The following DEGS1 variants were observed in gnomAD, a reference collection of about 807,000 sequenced individuals.
DEGS1 encodes the protein sphingolipid delta(4)-desaturase DES1.
DEGS1 carries 17 observed loss-of-function variants against 24.1 expected under a neutral mutation model. The observed-to-expected ratio is 0.70, with a 90% CI of 0.48 to 1.06. The LOEUF is 1.06. Ranked by LOEUF, DEGS1 falls within the 50% of genes least tolerant of loss-of-function variation. The probability of loss-of-function intolerance (pLI) is 0.00; values close to 1 mark genes in which losing one functional copy is unlikely to be tolerated. For missense variants in DEGS1, 366 were observed against 408.9 expected, an observed-to-expected ratio of 0.90 and a Z score of 0.91; for synonymous variants, 134 against 140.0, an observed-to-expected ratio of 0.96 and a Z score of 0.30.
chr1:224,183,407 G>A lies in DEGS1; in HGVS notation c.71G>A (p.Arg24Gln), dbSNP rs1404264720. 2.8e-6 allele frequency: 4 copies of A among 1,423,768 alleles called. No individual in the cohort carries two copies. The highest frequency in any genetic ancestry group is 1.9e-6 in the Non-Finnish European group (2 of 1,078,802). 88.2% of individuals were successfully genotyped at this position (1,423,768 alleles called of 1,614,324 possible). ...GACCAGCCGCACGCCGACCGGCGCC[G>A]GGAGATCCTGGGTGAGGGCCAGCGG... Reference protein sequence around the residue: ...YTDQPHADRRREILAKYPEIK... With the variant: ...YTDQPHADRRQEILAKYPEIK... Residue 24 changes from arginine to glutamine, a missense_variant, in exon 1 of 3, where the codon CGG (arginine) becomes CAG (glutamine). Coordinates refer to ENST00000323699, the MANE Select transcript of DEGS1 (RefSeq NM_003676.4).
intron 1 of DEGS1, among the ~76,000 whole-genome samples, chr1:224,186,712 C>CAA (rs34809195): frequency 4.0e-3 from 316 of 79,660 alleles, no homozygotes; most frequent in African/African-American, 9.1e-3. Flanking sequence ...GCCTCCGTCT[C>CAA]AAAAAAAAAA....
At position 224,189,610 on chromosome 1, in the gene DEGS1, C is replaced by A; in HGVS notation, c.116C>A (p.Pro39His). Residue 39 changes from proline to histidine, a missense_variant, in exon 2 of 3, where the codon CCT becomes CAT. By Grantham distance (77) the Pro-to-His change is moderately conservative (BLOSUM62 -2). Transcript: ENST00000323699. ...KYPEIKSLMK[P>H]DPNLIWIIIM... is the part of the protein sequence containing the mutation. The stretch of plus-strand genomic sequence containing the variant: ...CCAGAGATAAAGTCCTTGATGAAAC[C>A]TGATCCCAATTTGATATGGATTATA... The A allele has an allele frequency of 6.2e-7, 1 of 1,609,064 alleles. No homozygotes were observed. Among genetic ancestry groups the A allele is most frequent in the Non-Finnish European group, 8.5e-7 (1 of 1,178,004 alleles).
chr1:224,183,367 G>T lies in DEGS1; in HGVS notation c.31G>T (p.Glu11Ter). The T allele has an allele frequency of 1.4e-6, 2 of 1,480,796 alleles. No homozygotes were observed. Among genetic ancestry groups the T allele is most frequent in the Non-Finnish European group, 1.8e-6 (2 of 1,113,728 alleles). 91.7% of individuals were successfully genotyped at this position (1,480,796 alleles called of 1,614,324 possible). A position where few individuals can be genotyped will look rare whatever the true frequency, so the allele number is the denominator to read the frequency against. The change falls in exon 1 of 3, where the codon GAG becomes TAG. Residue 11 changes from glutamate to a stop codon, truncating the protein, a stop_gained. Coordinates refer to ENST00000323699, the MANE Select transcript of DEGS1 (RefSeq NM_003676.4). LOFTEE classifies it high-confidence loss of function. MGSRVSREDF[E>*]WVYTDQPHAD... ...GAGCCGCGTCTCGCGGGAAGACTTCGAGTGGGTCTACACCGACCAGCCGCA... is the reference window on the plus strand; with the variant it reads ...GAGCCGCGTCTCGCGGGAAGACTTCTAGTGGGTCTACACCGACCAGCCGCA...
chr1:224,189,988 T>G lies in DEGS1; in HGVS notation c.494T>G (p.Leu165Arg). ...TTCAGAAAGTTTATATGGGTTATTC[T>G]TCAGCCTCTCTTTTATGCCTTTCGA... ...TAFRKFIWVI[L>R]QPLFYAFRPL... The change falls in exon 2 of 3, where the codon CTT becomes CGT. Residue 165 changes from leucine (L) to arginine (R), a missense_variant. By Grantham distance (102) the Leu-to-Arg change is moderately radical. Transcript: ENST00000323699. 1 of 1,614,260 alleles carries G rather than the reference T, an allele frequency of 6.2e-7. No individual in the cohort carries two copies. The highest frequency in any genetic ancestry group is 1.1e-5 in the South Asian group (1 of 91,084).
At chr1:224,184,822 C>T (rs1658335353) in intron 1 of DEGS1, among the ~76,000 whole-genome samples, 1 of 151,910 alleles carries the variant, frequency 6.6e-6, no homozygotes, top group Non-Finnish European at 1.5e-5. Context: ...GGCCAGAGCA[C>T]GAGCTTTTTA....
rs1658292283 is a variant in DEGS1 at position 224,183,561 on chromosome 1, G to A, written c.82+143G>A. ...CCCGTCGCGTCCCGTCGCCGCTCGG[G>A]CCGCCAGCCCGCGGGTCAGCGCGGG... On this transcript the variant is annotated intron_variant, in intron 1 of 2. Transcript: ENST00000323699. 5.3e-6 allele frequency: 3 copies of A among 567,322 alleles called. No homozygotes were observed. In the East Asian group the frequency reaches 1.2e-4, roughly 23 times the overall value. The allele number at this position is 567,322 out of a possible 1,614,324, so 35.1% of individuals were successfully genotyped here.
At chr1:224,185,645 C>A (rs112023862) in intron 1 of DEGS1, among the ~76,000 whole-genome samples, 1 of 152,058 alleles carries the variant, frequency 6.6e-6, no homozygotes. Context: ...GGATTACAGA[C>A]GCCCGCCACC....
intron 1 of DEGS1, among the ~76,000 whole-genome samples, chr1:224,186,645 A>G (rs1171879273): frequency 5.3e-5 from 8 of 149,612 alleles, no homozygotes; most frequent in South Asian, 2.1e-4. Flanking sequence ...CCCGGGAGGC[A>G]GAGCTTGCAG....
At chr1:224,188,300 A>G (rs1382917841) in intron 1 of DEGS1, among the ~76,000 whole-genome samples, 1 of 152,158 alleles carries the variant, frequency 6.6e-6, no homozygotes, top group African/African-American at 2.4e-5. Flanking sequence ...TTTCAATAAA[A>G]TAATATTTCA....
chr1:224,192,007 T>C (rs1042374368), intron 2 of DEGS1, among the ~76,000 whole-genome samples: 2 of 152,192 alleles, frequency 1.3e-5, no homozygotes, highest in Non-Finnish European at 2.9e-5. Flanking sequence ...ATCCATGCAG[T>C]ACATTCTTTA....
At chr1:224,184,126 C>T (rs1357304837) in intron 1 of DEGS1, among the ~76,000 whole-genome samples, 1 of 152,196 alleles carries the variant, frequency 6.6e-6, no homozygotes, top group Non-Finnish European at 1.5e-5. Flanking sequence ...TCATCCATCT[C>T]GGTTTTGTGG....
At position 224,190,930 on chromosome 1, in the gene DEGS1, C is replaced by T. The variant is rs532215662; in HGVS notation, c.825+611C>T. Among the ~76,000 whole-genome samples the T allele has an allele frequency of 4.9e-4, 74 of 152,164 alleles. 1 individual carries two copies. Among genetic ancestry groups the T allele is most frequent in the African/African-American group, 1.7e-3 (71 of 41,516 alleles). ...AGAGGCAGGGTCTTGCTGTGTTGCTCAGGCTGGTCTCAAACTCCTGGATTC... is the reference window on the plus strand; with the variant it reads ...AGAGGCAGGGTCTTGCTGTGTTGCTTAGGCTGGTCTCAAACTCCTGGATTC... On this transcript the variant is annotated intron_variant, in intron 2 of 2. Coordinates refer to ENST00000323699, the MANE Select transcript of DEGS1 (RefSeq NM_003676.4).
rs1293038958 is a variant in DEGS1, at chr1:224,192,690, T to G, written c.*212T>G. On this transcript the variant is annotated 3_prime_UTR_variant, in exon 3 of 3. Coordinates refer to ENST00000323699, the MANE Select transcript of DEGS1 (RefSeq NM_003676.4). Reference sequence around the variant, plus strand: ...TCACTCACAGGAAACTTGTGACTTGTGTATTATCGTCATTGAGGATGTTTC... The same window carrying G: ...TCACTCACAGGAAACTTGTGACTTGGGTATTATCGTCATTGAGGATGTTTC... 2.0e-6 allele frequency: 1 copy of G among 497,402 alleles called. No homozygotes were observed. The highest frequency in any genetic ancestry group is 3.5e-6 in the Non-Finnish European group (1 of 286,836). 30.8% of individuals were successfully genotyped at this position (497,402 alleles called of 1,614,324 possible). A position where few individuals can be genotyped will look rare whatever the true frequency, so the allele number is the denominator to read the frequency against.
chr1:224,183,543 C>A, intron 1 of DEGS1, 125 bp downstream of exon 1: 2 of 697,090 alleles, frequency 2.9e-6, no homozygotes, highest in Non-Finnish European at 3.9e-6. Flanking sequence ...CTCCCCGTCG[C>A]GTCCCGTCGC....
rs1319632611 is a variant in DEGS1 at position 224,190,421 on chromosome 1, G to T, written c.825+102G>T. 5 of 1,064,002 alleles carry T rather than the reference G, an allele frequency of 4.7e-6. No homozygotes were observed. The Admixed American group carries it at 1.0e-4, about 22-fold the overall frequency. The allele number at this position is 1,064,002 out of a possible 1,614,324, so 65.9% of individuals were successfully genotyped here. On this transcript the variant is annotated intron_variant, in intron 2 of 2. Transcript: ENST00000323699. ...CGCCCAGGCTGGCGGGCAGTGGCAC[G>T]ATCTCGGCTCACTGTAACCTCCACC...
intron 1 of DEGS1, among the ~76,000 whole-genome samples, chr1:224,184,266 T>A (rs1385801493): frequency 6.6e-6 from 1 of 152,200 alleles, no homozygotes; most frequent in East Asian, 1.9e-4. Flanking sequence ...ACATAGAGAA[T>A]GCTCATCTCT....
Position 224,192,502 on chromosome 1 carries a change from C to T in DEGS1, c.*24C>T. 1 of 1,590,308 alleles carries T rather than the reference C, an allele frequency of 6.3e-7. No homozygotes were observed. The highest frequency in any genetic ancestry group is 8.5e-7 in the Non-Finnish European group (1 of 1,172,482). On this transcript the variant is annotated 3_prime_UTR_variant, in exon 3 of 3. Coordinates refer to ENST00000323699, the MANE Select transcript of DEGS1 (RefSeq NM_003676.4). ...AAATATCATTAGTGCCAAAGGGATT[C>T]TTCTCCAAAACTTTAGATGATAAAA...
In DEGS1 at chr1:224,192,874, T is replaced by C. The variant is rs142288209; in HGVS notation, c.*396T>C. On this transcript the variant is annotated 3_prime_UTR_variant, in exon 3 of 3. Transcript: ENST00000323699. ...TTCGAGACCAGCCTGGCCAACACGGTGAAACCCCATCTCTACTAAAAATGC... is the reference window on the plus strand; with the variant it reads ...TTCGAGACCAGCCTGGCCAACACGGCGAAACCCCATCTCTACTAAAAATGC... 1,638 of 170,214 alleles carry C rather than the reference T, an allele frequency of 9.6e-3. 29 individuals carry two copies. The highest frequency in any genetic ancestry group is 0.037 in the African/African-American group (1,539 of 41,630). The allele number at this position is 170,214 out of a possible 1,614,324, so 10.5% of individuals were successfully genotyped here.
At position 224,189,654 on chromosome 1, in the gene DEGS1, C is replaced by T; in HGVS notation, c.160C>T (p.Gln54Ter). The T allele has an allele frequency of 1.9e-6, 3 of 1,613,968 alleles. No homozygotes were observed. The highest frequency in any genetic ancestry group is 1.7e-6 in the Non-Finnish European group (2 of 1,179,898). ...GATTATAATTATGATGGTTCTCACC[C>T]AGTTGGGTGCATTTTACATAGTAAA... ...IWIIIMMVLT[Q>*]LGAFYIVKDL... is the part of the protein sequence containing the mutation. The change falls in exon 2 of 3, where the codon CAG (glutamine) becomes TAG (stop). Residue 54 changes from glutamine to a stop codon, truncating the protein, a stop_gained. Transcript: ENST00000323699. LOFTEE classifies it high-confidence loss of function.
Sources: allele counts gnomAD v4.1 joint callset (sites outside exome capture counted in the v4.1 genomes callset), GRCh38; gene constraint gnomAD v4.1.1; transcripts MANE v1.5; gene names NCBI Gene and HGNC (gene_info 2026-07-23, HGNC 2026-07-21).